The following ATP6V1A variants were observed in gnomAD, a reference collection of about 807,000 sequenced individuals.
The protein encoded by ATP6V1A is ATPase H+ transporting V1 subunit A.
In ATP6V1A, 18 loss-of-function variants were observed where a neutral mutation model predicts 70.1. That is an observed-to-expected ratio of 0.26 (90% CI 0.18 to 0.38). The LOEUF is 0.38. ATP6V1A is among the 10% of genes least tolerant of loss of function. ATP6V1A has a pLI of 1.00. For synonymous variants in ATP6V1A, 232 were observed against 253.8 expected, an observed-to-expected ratio of 0.91 and a Z score of 0.82; for missense variants, 424 against 772.4, an observed-to-expected ratio of 0.55 and a Z score of 5.35.
At chr3:113,793,896 T>C (rs190308050) in intron 8 of ATP6V1A, among the ~76,000 whole-genome samples, 230 of 152,270 alleles carry the variant, frequency 1.5e-3, no homozygotes, top group Admixed American at 2.5e-3. Context: ...ATAATATAAC[T>C]ATATATTTTT....
chr3:113,791,067 C>A (rs1010610640), intron 8 of ATP6V1A, among the ~76,000 whole-genome samples: 1 of 151,936 alleles, frequency 6.6e-6, no homozygotes, highest in Non-Finnish European at 1.5e-5. Flanking sequence ...ACATAATGTG[C>A]CCTTTTCATC....
Position 113,788,587 on chromosome 3 carries a change from C to T in ATP6V1A, c.717-126C>T, listed in dbSNP as rs1161544788. The T allele has an allele frequency of 9.5e-6, 7 of 737,362 alleles. No homozygotes were observed. The Admixed American group carries it at 1.9e-4, about 20-fold the overall frequency. The allele number at this position is 737,362 out of a possible 1,614,324, so 45.7% of individuals were successfully genotyped here. ...TCTCGAACTCCTCACTTCAGATGATCCACCCGCTTCGGCCCCCACAAGTGC... is the reference window on the plus strand; with the variant it reads ...TCTCGAACTCCTCACTTCAGATGATTCACCCGCTTCGGCCCCCACAAGTGC... On this transcript the variant is annotated intron_variant, in intron 6 of 14. Transcript: ENST00000273398.
intron 6 of ATP6V1A, among the ~76,000 whole-genome samples, chr3:113,788,125 T>C (rs1709056352): frequency 6.6e-6 from 1 of 152,172 alleles, no homozygotes; most frequent in Non-Finnish European, 1.5e-5. Flanking sequence ...CTTGCTCTTT[T>C]GCCCAGGCTG....
At chr3:113,771,566 T>C (rs934475241) in intron 1 of ATP6V1A, among the ~76,000 whole-genome samples, 1 of 150,396 alleles carries the variant, frequency 6.6e-6, no homozygotes, top group African/African-American at 2.4e-5. Context: ...GCCTCCTGAA[T>C]AGCTGGGACT....
At position 113,799,019 on chromosome 3, in the gene ATP6V1A, A is replaced by T. The variant is rs185771663; in HGVS notation, c.1494+573A>T. 9.3e-4 allele frequency among the ~76,000 whole-genome samples: 142 copies of T among 152,356 alleles called. No homozygotes were observed. In the Middle Eastern group the frequency reaches 0.014, roughly 15 times the overall value. ...AGGTTAATATTAGGAGATAGCTAAC[A>T]TTCTAACATGTATTACTACTTACTA... On this transcript the variant is annotated intron_variant, in intron 12 of 14. Transcript: ENST00000273398.
rs1709240465 is a variant in ATP6V1A, at chr3:113,803,663, T to C, written c.1575T>C (p.Tyr525=). Residue 525 remains tyrosine, a synonymous_variant, in exon 13 of 15, where the codon TAT becomes TAC. Transcript: ENST00000273398. The part of the protein sequence containing the change: ...IKDDFLQQNG[Y]TPYDRFCPFY... The stretch of plus-strand genomic sequence containing the variant: ...ATGATTTCCTACAACAAAATGGATA[T>C]ACTCCTTATGACAGGTAAGCTATAT... 9 of 1,603,608 alleles carry C rather than the reference T, an allele frequency of 5.6e-6. No individual in the cohort carries two copies. Among genetic ancestry groups the C allele is most frequent in the Non-Finnish European group, 6.8e-6 (8 of 1,170,984 alleles).
intron 8 of ATP6V1A, among the ~76,000 whole-genome samples, chr3:113,794,344 A>C (rs1208357560): frequency 2.6e-5 from 4 of 152,258 alleles, no homozygotes; most frequent in Admixed American, 2.0e-4. Context: ...TAATTATTTC[A>C]ACAAAGAATA....
rs772477886 is a variant in ATP6V1A, at chr3:113,799,780, A to C, written c.1494+1334A>C. On this transcript the variant is annotated intron_variant, in intron 12 of 14. Transcript: ENST00000273398. Reference sequence around the variant, plus strand: ...TACCAACTAGAAAATAAAAGTAAAAATAAGATGTTCTCAATAGCAACAAAA... The same window carrying C: ...TACCAACTAGAAAATAAAAGTAAAACTAAGATGTTCTCAATAGCAACAAAA... 1.7e-4 allele frequency among the ~76,000 whole-genome samples: 26 copies of C among 152,224 alleles called. 1 individual carries two copies. Among genetic ancestry groups the C allele is most frequent in the Non-Finnish European group, 2.6e-4 (18 of 68,040 alleles).
chr3:113,761,435 A>T (rs1232457193), intron 1 of ATP6V1A, among the ~76,000 whole-genome samples: 3 of 151,824 alleles, frequency 2.0e-5, no homozygotes, highest in Non-Finnish European at 2.9e-5. Flanking sequence ...GGTAATTGTA[A>T]AGTTTTAAAA....
chr3:113,785,087 C>T (rs1410989345), intron 5 of ATP6V1A, among the ~76,000 whole-genome samples: 4 of 152,040 alleles, frequency 2.6e-5, no homozygotes, highest in Admixed American at 1.3e-4. Flanking sequence ...TATTTAAAGC[C>T]CTAGTTGTTT....
At chr3:113,796,041 T>C in intron 11 of ATP6V1A, 102 bp downstream of exon 11, 1 of 1,052,034 alleles carries the variant, frequency 9.5e-7, no homozygotes. Context: ...AGTATTTAAT[T>C]TAGTCTCTAA....
At chr3:113,801,775 A>G (rs1577096012) in intron 12 of ATP6V1A, among the ~76,000 whole-genome samples, 1 of 152,220 alleles carries the variant, frequency 6.6e-6, no homozygotes, top group Non-Finnish European at 1.5e-5. Flanking sequence ...AACCAAAGAC[A>G]CAAGTAAGAA....
At chr3:113,804,319 T>TA (rs1214310805) in intron 13 of ATP6V1A, among the ~76,000 whole-genome samples, 2 of 152,126 alleles carry the variant, frequency 1.3e-5, no homozygotes, top group Admixed American at 1.3e-4. Context: ...AAATAATTAT[T>TA]ACTCTTTTCC....
At chr3:113,771,909 G>A (rs1481477195) in intron 1 of ATP6V1A, among the ~76,000 whole-genome samples, 2 of 152,128 alleles carry the variant, frequency 1.3e-5, no homozygotes, top group African/African-American at 2.4e-5. Context: ...CCTTGCTTAC[G>A]GTAGAGTGCT....
At chr3:113,751,113 T>C (rs1341331934) in intron 1 of ATP6V1A, among the ~76,000 whole-genome samples, 1 of 152,158 alleles carries the variant, frequency 6.6e-6, no homozygotes, top group East Asian at 1.9e-4. Flanking sequence ...ATTATAGAAG[T>C]ATATTAAAAT....
At chr3:113,797,499 A>C (rs1425467085) in intron 11 of ATP6V1A, among the ~76,000 whole-genome samples, 1 of 151,358 alleles carries the variant, frequency 6.6e-6, no homozygotes, top group Non-Finnish European at 1.5e-5. Flanking sequence ...CAGGTGATCC[A>C]CCTGCCTCAG....
chr3:113,751,893 T>C (rs1222111292), intron 1 of ATP6V1A, among the ~76,000 whole-genome samples: 2 of 151,902 alleles, frequency 1.3e-5, no homozygotes, highest in Non-Finnish European at 2.9e-5. Flanking sequence ...TAGCTCTAGT[T>C]AATAAATTTA....
Position 113,784,301 on chromosome 3 carries a change from G to T in ATP6V1A, c.289G>T (p.Ala97Ser). ...SVELGPGIMG[A>S]IFDGIQRPLS... ...AGAGCTTGGTCCTGGCATTATGGGA[G>T]CCATTTTTGATGGTATTCAAAGACC... The change falls in exon 4 of 15, where the codon GCC (alanine) becomes TCC (serine). Residue 97 changes from alanine to serine, a missense_variant. Physicochemically the swap from Ala to Ser is moderately conservative, Grantham distance 99 (BLOSUM62 1). Coordinates refer to ENST00000273398, the MANE Select transcript of ATP6V1A (RefSeq NM_001690.4). The T allele has an allele frequency of 6.2e-7, 1 of 1,614,162 alleles. No homozygotes were observed. The highest frequency in any genetic ancestry group is 1.1e-5 in the South Asian group (1 of 91,092).
At chr3:113,778,595 A>T (rs186321186) in intron 1 of ATP6V1A, 146 bp from the exon 2 acceptor site, 176 of 441,398 alleles carry the variant, frequency 4.0e-4, no homozygotes, top group Admixed American at 7.1e-4. Flanking sequence ...AAGAAAAGGA[A>T]TTTTTTTATT....
Sources: allele counts gnomAD v4.1 joint callset (sites outside exome capture counted in the v4.1 genomes callset), GRCh38; gene constraint gnomAD v4.1.1; transcripts MANE v1.5; gene names NCBI Gene and HGNC (gene_info 2026-07-23, HGNC 2026-07-21).